The following TANC2 variants were observed in gnomAD, a reference collection of about 807,000 sequenced individuals.
TANC2 encodes the protein tetratricopeptide repeat, ankyrin repeat and coiled-coil containing 2.
TANC2 carries 26 observed loss-of-function variants against 210.5 expected under a neutral mutation model. The observed-to-expected ratio is 0.12, with a 90% CI of 0.09 to 0.17. The LOEUF (loss-of-function observed/expected upper bound fraction) is 0.17. Ranked by LOEUF, TANC2 falls within the 10% of genes least tolerant of loss-of-function variation. The probability of loss-of-function intolerance (pLI) is 1.00; values close to 1 mark genes in which losing one functional copy is unlikely to be tolerated. For synonymous variants in TANC2, 931 were observed against 967.1 expected (o/e 0.96, Z 0.69); for missense variants, 2,129 against 2,608.9 (o/e 0.82, Z 4.01).
At chr17:63,166,579 A>G (rs1402221916) in intron 5 of TANC2, among the ~76,000 whole-genome samples, 2 of 152,216 alleles carry the variant, frequency 1.3e-5, no homozygotes, top group East Asian at 1.9e-4. Context: ...TCTAACTGCA[A>G]AAGAAAACCA....
intron 4 of TANC2, among the ~76,000 whole-genome samples, chr17:63,137,253 A>G (rs760097555): frequency 1.3e-5 from 2 of 152,196 alleles, no homozygotes; most frequent in Non-Finnish European, 2.9e-5. Context: ...GTTCAGAAGG[A>G]CAAACTGATC....
At chr17:63,239,169 GAA>G (rs1183217988) in intron 8 of TANC2, among the ~76,000 whole-genome samples, 1 of 149,950 alleles carries the variant, frequency 6.7e-6, no homozygotes, top group Non-Finnish European at 1.5e-5. Flanking sequence ...AAAAAAGAAA[GAA>G]ATGATACTGA....
At chr17:63,293,457 G>A (rs1410262233) in intron 9 of TANC2, among the ~76,000 whole-genome samples, 1 of 152,166 alleles carries the variant, frequency 6.6e-6, no homozygotes, top group African/African-American at 2.4e-5. Flanking sequence ...AAGAATGTGA[G>A]GAAATACAAC....
At chr17:63,398,771 T>G (rs574745862) in intron 18 of TANC2, 50 bp from the exon 19 acceptor site, 1 of 1,309,240 alleles carries the variant, frequency 7.6e-7, no homozygotes, top group South Asian at 1.3e-5. Context: ...CTAGTGTCAG[T>G]AGCATAGTTT....
At chr17:63,405,055 A>G in intron 19 of TANC2, 67 bp from the exon 20 acceptor site, 2 of 1,429,872 alleles carry the variant, frequency 1.4e-6, no homozygotes, top group South Asian at 1.7e-5. Flanking sequence ...AGGATATGTC[A>G]CGTTTAACAT....
intron 2 of TANC2, among the ~76,000 whole-genome samples, chr17:63,036,338 G>A (rs979218656): frequency 6.6e-6 from 1 of 152,046 alleles, no homozygotes; most frequent in South Asian, 2.1e-4. Context: ...GTAGGGTTGT[G>A]TAATTGTTCT....
At chr17:63,289,430 G>A (rs1422121751) in intron 9 of TANC2, among the ~76,000 whole-genome samples, 1 of 151,898 alleles carries the variant, frequency 6.6e-6, no homozygotes, top group African/African-American at 2.4e-5. Flanking sequence ...CAAAATCAGA[G>A]ATTCTTTACT....
intron 7 of TANC2, among the ~76,000 whole-genome samples, chr17:63,226,834 T>C (rs540617406): frequency 6.6e-6 from 1 of 152,302 alleles, no homozygotes; most frequent in Admixed American, 6.5e-5. Context: ...CTCCCACTTA[T>C]AAGTGAGAAC....
At chr17:63,330,477 A>C (rs1401810729) in intron 11 of TANC2, among the ~76,000 whole-genome samples, 4 of 152,150 alleles carry the variant, frequency 2.6e-5, no homozygotes, top group Non-Finnish European at 5.9e-5. Flanking sequence ...CATAATTTGC[A>C]TGACAATAAA....
intron 3 of TANC2, among the ~76,000 whole-genome samples, chr17:63,078,750 C>A (rs73991881): frequency 0.062 from 9,463 of 152,114 alleles, 481 homozygotes; most frequent in African/African-American, 0.14. Flanking sequence ...GATCAGAGGA[C>A]AAACTTTCTG....
intron 6 of TANC2, among the ~76,000 whole-genome samples, chr17:63,196,190 G>A (rs1268007): frequency 0.95 from 144,428 of 152,312 alleles, 68,552 homozygotes; most frequent in East Asian, 1. Flanking sequence ...ACAAGAATGT[G>A]TGTTTCATGA....
At chr17:63,358,376 A>ATGT (rs1555641222) in intron 14 of TANC2, among the ~76,000 whole-genome samples, 80 of 81,006 alleles carry the variant, frequency 9.9e-4, no homozygotes, top group African/African-American at 2.7e-3. Context: ...AGAGAGAGAG[A>ATGT]GTATGTGTGT....
At chr17:63,275,069 T>C (rs2043830495) in intron 9 of TANC2, among the ~76,000 whole-genome samples, 1 of 152,170 alleles carries the variant, frequency 6.6e-6, no homozygotes, top group Non-Finnish European at 1.5e-5. Flanking sequence ...AGTTAAAATA[T>C]ACAAGGCAAA....
chr17:63,229,460 T>C (rs562043468), intron 7 of TANC2, among the ~76,000 whole-genome samples: 1 of 152,248 alleles, frequency 6.6e-6, no homozygotes, highest in African/African-American at 2.4e-5. Context: ...GAGGAGTCCC[T>C]TCTTTTCAGT....
intron 4 of TANC2, among the ~76,000 whole-genome samples, chr17:63,111,210 G>C (rs2038029441): frequency 6.6e-6 from 1 of 152,138 alleles, no homozygotes; most frequent in African/African-American, 2.4e-5. Flanking sequence ...AGCTACTCGG[G>C]AGGCTGAGGC....
intron 5 of TANC2, among the ~76,000 whole-genome samples, chr17:63,190,729 TC>T (rs1040537473): frequency 1.3e-5 from 2 of 151,574 alleles, no homozygotes; most frequent in Admixed American, 1.3e-4. Flanking sequence ...TAATGCACCC[TC>T]CCCCCTGCAA....
intron 8 of TANC2, among the ~76,000 whole-genome samples, chr17:63,257,299 G>A (rs1198963239): frequency 6.6e-6 from 1 of 150,940 alleles, no homozygotes; most frequent in Non-Finnish European, 1.5e-5. Flanking sequence ...TTTATTTTTT[G>A]TGTATCTGTT....
At chr17:63,351,138 A>G in intron 12 of TANC2, 112 bp from the exon 13 acceptor site, 2 of 979,494 alleles carry the variant, frequency 2.0e-6, no homozygotes, top group Non-Finnish European at 3.0e-6. Flanking sequence ...CACTAAACAC[A>G]TGACAAGCCT....
chr17:63,281,561 A>T (rs1243682466), intron 9 of TANC2, among the ~76,000 whole-genome samples: 1 of 147,538 alleles, frequency 6.8e-6, no homozygotes. Flanking sequence ...AAATCAGCAT[A>T]CTTGAACAAA....
Sources: allele counts gnomAD v4.1 joint callset (sites outside exome capture counted in the v4.1 genomes callset), GRCh38; gene constraint gnomAD v4.1.1; transcripts MANE v1.5; gene names NCBI Gene and HGNC (gene_info 2026-07-23, HGNC 2026-07-21).